The following GRAMD4 variants were observed in gnomAD, a reference collection of about 807,000 sequenced individuals.
GRAMD4 encodes the protein GRAM domain-containing protein 4.
GRAMD4 carries 25 observed loss-of-function variants against 83.9 expected under a neutral mutation model. That is an observed-to-expected ratio of 0.30 (90% CI 0.22 to 0.42). The LOEUF (loss-of-function observed/expected upper bound fraction) is 0.42. Ranked by LOEUF, GRAMD4 falls within the 10% of genes least tolerant of loss-of-function variation. GRAMD4 has a pLI of 1.00. For missense variants in GRAMD4, 593 were observed against 788.7 expected, an observed-to-expected ratio of 0.75 and a Z score of 2.97; for synonymous variants, 336 against 320.9, an observed-to-expected ratio of 1.05 and a Z score of -0.50.
chr22:46,593,190 T>G (rs1484322935), intron 1 of GRAMD4, among the ~76,000 whole-genome samples: 1 of 152,088 alleles, frequency 6.6e-6, no homozygotes, highest in Admixed American at 6.5e-5. Flanking sequence ...GAAAGGTAAA[T>G]TGTACTGAAA....
At chr22:46,625,717 G>C (rs2081647620) in intron 1 of GRAMD4, among the ~76,000 whole-genome samples, 1 of 152,266 alleles carries the variant, frequency 6.6e-6, no homozygotes, top group Non-Finnish European at 1.5e-5. Flanking sequence ...CTGCGTGATG[G>C]GGCTGGGGCT....
intron 1 of GRAMD4, among the ~76,000 whole-genome samples, chr22:46,610,033 C>T (rs1038162126): frequency 4.6e-5 from 7 of 152,170 alleles, no homozygotes; most frequent in Non-Finnish European, 7.4e-5. Context: ...CCCCAGGCTA[C>T]GGCCCAGGTT....
intron 1 of GRAMD4, among the ~76,000 whole-genome samples, chr22:46,585,113 C>G (rs2081135970): frequency 6.6e-6 from 1 of 152,052 alleles, no homozygotes; most frequent in Non-Finnish European, 1.5e-5. Flanking sequence ...GGTGGTCACT[C>G]CTCGTCTGCT....
upstream of GRAMD4, among the ~76,000 whole-genome samples, chr22:46,618,497 C>CTGCAAA (rs2081532638): frequency 6.6e-6 from 1 of 151,940 alleles, no homozygotes; most frequent in East Asian, 1.9e-4. The surrounding 1 kb of genome is among the most constrained non-coding windows in gnomAD (Gnocchi z 5.8). Context: ...CAAAGGGGGT[C>CTGCAAA]GGCAGAGCTG....
chr22:46,614,377 T>C (rs1452830615), intron 1 of GRAMD4, among the ~76,000 whole-genome samples: 1 of 152,236 alleles, frequency 6.6e-6, no homozygotes, highest in Admixed American at 6.5e-5. Context: ...AGCTAAAAAT[T>C]GTGTGAGGTC....
At chr22:46,593,010 C>T (rs571829472) in intron 1 of GRAMD4, among the ~76,000 whole-genome samples, 10 of 152,100 alleles carry the variant, frequency 6.6e-5, no homozygotes, top group Non-Finnish European at 1.5e-4. Context: ...TTAGAACTCT[C>T]CATGCGGGCT....
intron 3 of GRAMD4, among the ~76,000 whole-genome samples, chr22:46,654,956 A>G (rs575409326): frequency 8.7e-4 from 133 of 152,318 alleles, no homozygotes; most frequent in African/African-American, 3.2e-3. Flanking sequence ...AGTGGGAATC[A>G]TGTCCCCAAG....
rs1157929757 is a variant in GRAMD4, at chr22:46,678,653, G to T, written c.*1402G>T. The T allele has an allele frequency of 8.1e-6, 8 of 985,394 alleles. No homozygotes were observed. In the East Asian group the frequency reaches 5.7e-4, roughly 70 times the overall value. The allele number at this position is 985,394 out of a possible 1,614,324, so 61.0% of individuals were successfully genotyped here. A position where few individuals can be genotyped will look rare whatever the true frequency, so the allele number is the denominator to read the frequency against. ...ATTGTTGTTTTTTGAAGAAACAGAA[G>T]ATTCTATTTTTTACAGCGAGCAAGC... On this transcript the variant is annotated 3_prime_UTR_variant, in exon 19 of 19. Coordinates refer to ENST00000406902, the MANE Select transcript of GRAMD4 (RefSeq NM_015124.5).
intron 1 of GRAMD4, among the ~76,000 whole-genome samples, chr22:46,611,905 G>A (rs998890825): frequency 9.1e-5 from 13 of 142,180 alleles, no homozygotes; most frequent in Non-Finnish European, 1.9e-4. Context: ...GCTGAGGCAG[G>A]AGAATGGTGT....
intron 1 of GRAMD4, among the ~76,000 whole-genome samples, chr22:46,614,097 C>T (rs2081445051): frequency 6.6e-6 from 1 of 152,190 alleles, no homozygotes; most frequent in South Asian, 2.1e-4. Context: ...CATTAACTTG[C>T]AGTTAGATCA....
At chr22:46,592,322 C>T (rs1399058538) in intron 1 of GRAMD4, among the ~76,000 whole-genome samples, 3 of 152,078 alleles carry the variant, frequency 2.0e-5, no homozygotes, top group Non-Finnish European at 2.9e-5. Flanking sequence ...CGATTAAAAA[C>T]AGCAGAGCTG....
intron 1 of GRAMD4, among the ~76,000 whole-genome samples, chr22:46,582,716 G>C (rs1470647965): frequency 6.6e-6 from 1 of 152,168 alleles, no homozygotes; most frequent in Non-Finnish European, 1.5e-5. Flanking sequence ...TGGCCACCTG[G>C]CTGAGGTGTG....
intron 1 of GRAMD4, among the ~76,000 whole-genome samples, chr22:46,605,243 A>G (rs1441465744): frequency 8.3e-5 from 12 of 144,190 alleles, no homozygotes; most frequent in East Asian, 2.2e-4. Context: ...GTGCCATAAT[A>G]TTCTCCGGGT....
intron 13 of GRAMD4, among the ~76,000 whole-genome samples, chr22:46,671,764 C>G (rs1024653969): frequency 3.4e-5 from 5 of 147,498 alleles, no homozygotes; most frequent in African/African-American, 1.3e-4. Flanking sequence ...CGCTTGAACC[C>G]GGGAGGTTGC....
intron 3 of GRAMD4, among the ~76,000 whole-genome samples, chr22:46,644,253 T>C (rs2082032407): frequency 1.3e-5 from 2 of 152,170 alleles, no homozygotes; most frequent in African/African-American, 4.8e-5. Flanking sequence ...CAACTGTCCC[T>C]GTTCCGTATT....
Position 46,677,832 on chromosome 22 carries a change from G to C in GRAMD4, c.*581G>C. On this transcript the variant is annotated 3_prime_UTR_variant, in exon 19 of 19. Coordinates refer to ENST00000406902, the MANE Select transcript of GRAMD4 (RefSeq NM_015124.5). ...TTGCCCTTGGTGCCGGGCTGGGGCC[G>C]GGCGCAGTGACCCTGCCTGCGCTCC... 1.0e-6 allele frequency: 1 copy of C among 985,542 alleles called. No individual in the cohort carries two copies. The highest frequency in any genetic ancestry group is 1.2e-6 in the Non-Finnish European group (1 of 830,096). 61.0% of individuals were successfully genotyped at this position (985,542 alleles called of 1,614,324 possible).
chr22:46,658,412 A>G (rs1254131302), intron 4 of GRAMD4, 105 bp downstream of exon 4: 4 of 1,172,992 alleles, frequency 3.4e-6, no homozygotes, highest in African/African-American at 1.7e-5. Flanking sequence ...TGGCAGCATC[A>G]TTCTTGGCCC....
At chr22:46,681,357 A>G (rs1049192108), downstream of GRAMD4, among the ~76,000 whole-genome samples, 2 of 152,214 alleles carry the variant, frequency 1.3e-5, no homozygotes, top group African/African-American at 2.4e-5. Flanking sequence ...ATATTTCACC[A>G]TTTAGTGTCA....
upstream of GRAMD4, among the ~76,000 whole-genome samples, chr22:46,576,913 G>A (rs888196804): frequency 1.4e-5 from 2 of 146,128 alleles, no homozygotes; most frequent in African/African-American, 4.9e-5. Flanking sequence ...CCCAAACAAA[G>A]GCCGCGCCGC....
Sources: gnomAD v4.1 joint callset for allele counts (sites outside exome capture counted in the v4.1 genomes callset) on GRCh38, gnomAD v4.1.1 for gene constraint, Gnocchi (gnomAD v3.1) non-coding constraint, MANE v1.5 for transcripts, NCBI Gene and HGNC (gene_info 2026-07-23, HGNC 2026-07-21) for gene names.